Variants in NAV3 observed in about 807,000 individuals in gnomAD.
The protein encoded by NAV3 is pore membrane and/or filament interacting like protein 1.
NAV3 carries 87 observed loss-of-function variants against 244.7 expected under a neutral mutation model. The observed-to-expected ratio is 0.36, with a 90% CI of 0.30 to 0.42. The LOEUF (loss-of-function observed/expected upper bound fraction) is 0.42, where lower values mean the gene tolerates loss of function less well. Ranked by LOEUF, NAV3 falls within the 20% of genes least tolerant of loss-of-function variation. NAV3 has a pLI of 1.00. For synonymous variants in NAV3, 1,126 were observed against 1,042.2 expected, an observed-to-expected ratio of 1.08 and a Z score of -1.55; for missense variants, 2,663 against 2,893.3, an observed-to-expected ratio of 0.92 and a Z score of 1.83.
intron 1 of NAV3, among the ~76,000 whole-genome samples, chr12:77,913,551 A>G (rs980535754): frequency 5.3e-5 from 8 of 152,114 alleles, no homozygotes; most frequent in Non-Finnish European, 1.0e-4. Flanking sequence ...GTTGCATTAC[A>G]TACTATATTA....
At chr12:78,030,002 A>T (rs1036238221) in intron 9 of NAV3, among the ~76,000 whole-genome samples, 5 of 152,176 alleles carry the variant, frequency 3.3e-5, no homozygotes, top group African/African-American at 7.2e-5. Flanking sequence ...CATGCAAAAA[A>T]TTTTTAAAAA....
At chr12:78,110,990 G>A (rs1358150155) in intron 12 of NAV3, among the ~76,000 whole-genome samples, 1 of 152,008 alleles carries the variant, frequency 6.6e-6, no homozygotes, top group Non-Finnish European at 1.5e-5. Flanking sequence ...GGTGGAGAAT[G>A]GAAAGGTAGG....
intron 2 of NAV3, among the ~76,000 whole-genome samples, chr12:77,822,382 C>G (rs1872781371): frequency 6.6e-6 from 1 of 152,186 alleles, no homozygotes; most frequent in South Asian, 2.1e-4. Context: ...TTGACTGATT[C>G]AATACCACAA....
intron 22 of NAV3, among the ~76,000 whole-genome samples, chr12:78,154,139 T>C (rs1957183348): frequency 7.0e-6 from 1 of 142,248 alleles, no homozygotes; most frequent in African/African-American, 2.5e-5. Context: ...TGTGTGTGTG[T>C]GTATATATGT....
At chr12:77,830,093 C>G (rs1592722187), upstream of NAV3, among the ~76,000 whole-genome samples, 1 of 151,832 alleles carries the variant, frequency 6.6e-6, no homozygotes, top group Non-Finnish European at 1.5e-5. Context: ...AAAAGTTTAC[C>G]CCTTGTTTAT....
At chr12:77,907,095 G>A (rs780624005) in intron 1 of NAV3, among the ~76,000 whole-genome samples, 3 of 152,102 alleles carry the variant, frequency 2.0e-5, no homozygotes, top group Non-Finnish European at 4.4e-5. Context: ...TTTCAAATCT[G>A]ACATCCTTTG....
chr12:77,675,144 A>G (rs1307346616), intron 2 of NAV3, among the ~76,000 whole-genome samples: 2 of 152,256 alleles, frequency 1.3e-5, no homozygotes, highest in East Asian at 3.8e-4. Context: ...ACAAATCAGA[A>G]GTAAAGAAAA....
intron 2 of NAV3, among the ~76,000 whole-genome samples, chr12:77,672,648 A>T (rs1398132750): frequency 1.3e-5 from 2 of 152,018 alleles, no homozygotes; most frequent in Non-Finnish European, 2.9e-5. Flanking sequence ...ACACAAGCAT[A>T]AGAATGATAC....
rs544024519 is a variant in NAV3 at position 77,802,618 on chromosome 12, C to T, written c.73-137701C>T. On this transcript the variant is annotated intron_variant, in intron 2 of 8. Transcript: ENST00000550042. ...AAGCCTGTTTCAGGTAAACTATATA[C>T]ACAAAGCCAAAAACAGCTTTAAAAA... Among the ~76,000 whole-genome samples, 27 of 152,230 alleles carry T rather than the reference C, an allele frequency of 1.8e-4. 1 individual carries two copies. The South Asian group carries it at 5.6e-3, about 32-fold the overall frequency.
intron 2 of NAV3, among the ~76,000 whole-genome samples, chr12:77,824,033 TGGAAACAGTAATA>T (rs1342987492): frequency 6.6e-6 from 1 of 152,038 alleles, no homozygotes; most frequent in Non-Finnish European, 1.5e-5. Flanking sequence ...TTAATGAACT[TGGAAACAGTAATA>T]GAAGTTATGT....
Position 78,067,215 on chromosome 12 carries a change from C to T in NAV3, c.2636+8100C>T, listed in dbSNP as rs187580958. On this transcript the variant is annotated intron_variant, in intron 12 of 39. Transcript: ENST00000397909. ...TACAATCACAGAATTAGTATACTCC[C>T]ATGTCTTAACTATTTCCTTCATTAG... is the stretch of plus-strand genomic sequence containing the variant. Among the ~76,000 whole-genome samples the T allele has an allele frequency of 3.9e-5, 6 of 152,196 alleles. No individual in the cohort carries two copies. In the East Asian group the frequency reaches 1.2e-3, roughly 29 times the overall value.
intron 2 of NAV3, among the ~76,000 whole-genome samples, chr12:77,810,727 T>A (rs1333797707): frequency 1.3e-5 from 2 of 152,214 alleles, no homozygotes; most frequent in Admixed American, 6.5e-5. Flanking sequence ...GTATTCCTTA[T>A]TAAGCCTCTT....
intron 1 of NAV3, among the ~76,000 whole-genome samples, chr12:77,881,608 G>A (rs541663029): frequency 6.6e-6 from 1 of 152,062 alleles, no homozygotes; most frequent in Admixed American, 6.6e-5. Context: ...AGAAATAACA[G>A]GCATTCAAAT....
chr12:78,001,878 T>G (rs1873368863), intron 7 of NAV3, among the ~76,000 whole-genome samples: 1 of 152,202 alleles, frequency 6.6e-6, no homozygotes, highest in Admixed American at 6.5e-5. Context: ...TTGAGAGTGC[T>G]TCAGTTTCTT....
intron 16 of NAV3, 89 bp downstream of exon 16, chr12:78,122,517 C>T (rs1777597393): frequency 6.9e-7 from 1 of 1,444,654 alleles, no homozygotes; most frequent in Non-Finnish European, 9.2e-7. Flanking sequence ...CTTGATTTCA[C>T]TGTGAGTGCC....
At chr12:77,679,675 G>T (rs1874365379) in intron 2 of NAV3, among the ~76,000 whole-genome samples, 1 of 152,190 alleles carries the variant, frequency 6.6e-6, no homozygotes, top group Non-Finnish European at 1.5e-5. Flanking sequence ...CCAACTAGTG[G>T]AAGAAGAGAA....
chr12:77,829,065 T>C (rs1022467858), upstream of NAV3, among the ~76,000 whole-genome samples: 2 of 151,866 alleles, frequency 1.3e-5, no homozygotes, highest in Non-Finnish European at 2.9e-5. Context: ...GCAGGAGCCC[T>C]TTTGGCTCAG....
intron 1 of NAV3, among the ~76,000 whole-genome samples, chr12:77,925,392 A>G (rs150564531): frequency 1.3e-5 from 2 of 152,234 alleles, no homozygotes; most frequent in African/African-American, 2.4e-5. Flanking sequence ...AGCAGTCTGC[A>G]TGTTTTCTGT....
intron 12 of NAV3, among the ~76,000 whole-genome samples, chr12:78,096,254 CAT>C (rs1954245152): frequency 6.6e-6 from 1 of 152,166 alleles, no homozygotes; most frequent in African/African-American, 2.4e-5. Flanking sequence ...TGAAGAATAT[CAT>C]AACCTATGCT....
Sources: allele counts gnomAD v4.1 joint callset (sites outside exome capture counted in the v4.1 genomes callset), GRCh38; gene constraint gnomAD v4.1.1; transcripts MANE v1.5; gene names NCBI Gene and HGNC (gene_info 2026-07-23, HGNC 2026-07-21).